Variants in KLHL1 observed in about 807,000 individuals in gnomAD.
The protein encoded by KLHL1 is kelch-like protein 1.
A neutral mutation model predicts 77.7 loss-of-function variants in KLHL1; 47 were observed. That is an observed-to-expected ratio of 0.60 (90% CI 0.48 to 0.77). The LOEUF is 0.77. Ranked by LOEUF, KLHL1 falls within the 30% of genes least tolerant of loss-of-function variation. The probability of loss-of-function intolerance (pLI) is 0.00; values close to 1 mark genes in which losing one functional copy is unlikely to be tolerated. For missense variants in KLHL1, 925 were observed against 910.8 expected (o/e 1.02, Z -0.20); for synonymous variants, 360 against 325.2 (o/e 1.11, Z -1.15).
intron 1 of KLHL1, among the ~76,000 whole-genome samples, chr13:70,093,722 G>A (rs1593738443): frequency 6.6e-6 from 1 of 151,990 alleles, no homozygotes; most frequent in South Asian, 2.1e-4. Flanking sequence ...GTTTTCTCAT[G>A]GTATTTTGAA....
At chr13:69,923,058 CCT>C (rs1882694898) in intron 4 of KLHL1, among the ~76,000 whole-genome samples, 1 of 151,702 alleles carries the variant, frequency 6.6e-6, no homozygotes, top group Non-Finnish European at 1.5e-5. Flanking sequence ...CAAATGCAAC[CCT>C]CTCTGTTCTT....
At chr13:70,070,597 T>C (rs2137417228) in intron 1 of KLHL1, among the ~76,000 whole-genome samples, 1 of 152,144 alleles carries the variant, frequency 6.6e-6, no homozygotes, top group Middle Eastern at 3.4e-3. Flanking sequence ...GTCTACCTCA[T>C]AAGAATGTTA....
chr13:70,009,665 C>A (rs1325307953), intron 1 of KLHL1, among the ~76,000 whole-genome samples: 1 of 152,088 alleles, frequency 6.6e-6, no homozygotes, highest in Non-Finnish European at 1.5e-5. Flanking sequence ...GTCAAGACAA[C>A]CTGTCTCCAT....
In KLHL1 at chr13:69,775,281, CAT is replaced by C. The variant is rs750440284; in HGVS notation, c.1639+21455_1639+21456del. Among the ~76,000 whole-genome samples, 4 of 151,528 alleles carry C rather than the reference CAT, an allele frequency of 2.6e-5. No individual in the cohort carries two copies. In the East Asian group the frequency reaches 5.8e-4, roughly 22 times the overall value. On this transcript the variant is annotated intron_variant, in intron 7 of 10. Transcript: ENST00000377844. ...CAAGGTTACACTGTTGGTCAATTGT[CAT>C]AAAAAAAAGAGGTACTAGTGACTCA...
chr13:70,055,494 A>T (rs541825763), intron 1 of KLHL1, among the ~76,000 whole-genome samples: 4 of 152,268 alleles, frequency 2.6e-5, no homozygotes, highest in Admixed American at 2.0e-4. Context: ...GTCAATGGTA[A>T]CAGTAAATAC....
intron 3 of KLHL1, among the ~76,000 whole-genome samples, chr13:69,959,061 A>G (rs1482607996): frequency 1.3e-5 from 2 of 152,176 alleles, no homozygotes; most frequent in East Asian, 3.9e-4. Context: ...CATTTCTGTA[A>G]ACTCACAACT....
At chr13:69,926,114 A>C (rs577655433) in intron 4 of KLHL1, among the ~76,000 whole-genome samples, 1 of 152,202 alleles carries the variant, frequency 6.6e-6, no homozygotes, top group Non-Finnish European at 1.5e-5. Flanking sequence ...CTAGTTTTTT[A>C]TTATTAAAGT....
intron 1 of KLHL1, among the ~76,000 whole-genome samples, chr13:70,043,269 G>A (rs1387483219): frequency 1.3e-5 from 2 of 151,892 alleles, no homozygotes; most frequent in African/African-American, 4.8e-5. Flanking sequence ...AATGAGAAAA[G>A]TTATATAATA....
chr13:69,902,058 C>T (rs1881886585), intron 4 of KLHL1, among the ~76,000 whole-genome samples: 1 of 152,124 alleles, frequency 6.6e-6, no homozygotes, highest in Non-Finnish European at 1.5e-5. Flanking sequence ...CCTCAGCCTC[C>T]CAGAGTGCTG....
At chr13:69,874,637 T>C (rs567192449) in intron 5 of KLHL1, among the ~76,000 whole-genome samples, 2 of 152,268 alleles carry the variant, frequency 1.3e-5, no homozygotes, top group African/African-American at 4.8e-5. Context: ...TGGAATTTCC[T>C]TTAATGTTTA....
At chr13:70,089,731 C>T (rs1162268716) in intron 1 of KLHL1, among the ~76,000 whole-genome samples, 1 of 151,996 alleles carries the variant, frequency 6.6e-6, no homozygotes, top group African/African-American at 2.4e-5. Flanking sequence ...GCTTTAAAAA[C>T]AATATTAGGT....
At position 69,900,036 on chromosome 13, in the gene KLHL1, T is replaced by C. The variant is rs1385670735; in HGVS notation, c.1015-17541A>G. On this transcript the variant is annotated intron_variant, in intron 4 of 10. Transcript: ENST00000377844. Reference sequence around the variant, plus strand: ...TAATTCTTAATATGGCACACCTCTTTAGGAGAGATAAGCCAGCTGTTGGAA... The same window carrying C: ...TAATTCTTAATATGGCACACCTCTTCAGGAGAGATAAGCCAGCTGTTGGAA... 2.6e-5 allele frequency among the ~76,000 whole-genome samples: 4 copies of C among 152,186 alleles called. No individual in the cohort carries two copies. The South Asian group carries it at 6.2e-4, about 24-fold the overall frequency.
intron 1 of KLHL1, among the ~76,000 whole-genome samples, chr13:70,105,305 T>C (rs957550487): frequency 6.6e-6 from 1 of 151,916 alleles, no homozygotes; most frequent in Non-Finnish European, 1.5e-5. Context: ...TGTTATTAGT[T>C]TTAATTTATT....
intron 7 of KLHL1, among the ~76,000 whole-genome samples, chr13:69,744,987 G>T (rs1874145024): frequency 6.6e-6 from 1 of 151,664 alleles, no homozygotes; most frequent in Non-Finnish European, 1.5e-5. Flanking sequence ...AAATTTCTGG[G>T]TCATAGAATA....
Position 70,107,870 on chromosome 13 carries a change from A to AG in KLHL1, c.-172dup, listed in dbSNP as rs1888114398. The AG allele has an allele frequency of 1.8e-6, 1 of 566,488 alleles. No homozygotes were observed. Among genetic ancestry groups the AG allele is most frequent in the Admixed American group, 3.7e-5 (1 of 27,336 alleles). 35.1% of individuals were successfully genotyped at this position (566,488 alleles called of 1,614,324 possible). A position where few individuals can be genotyped will look rare whatever the true frequency, so the allele number is the denominator to read the frequency against. ...GCGCGCTCTGCCAGGCGAAGGCTGG[A>AG]GCGCAGACGGCAAAGCCGCGCGTTT... On this transcript the variant is annotated 5_prime_UTR_variant, in exon 1 of 11. Coordinates refer to ENST00000377844, the MANE Select transcript of KLHL1 (RefSeq NM_020866.3).
At chr13:70,082,331 A>T (rs1345194921) in intron 1 of KLHL1, among the ~76,000 whole-genome samples, 1 of 143,024 alleles carries the variant, frequency 7.0e-6, no homozygotes, top group South Asian at 2.2e-4. Flanking sequence ...ACACACACAC[A>T]CACACACACA....
At chr13:70,101,431 A>G (rs1235822605) in intron 1 of KLHL1, among the ~76,000 whole-genome samples, 1 of 151,796 alleles carries the variant, frequency 6.6e-6, no homozygotes, top group African/African-American at 2.4e-5. Context: ...CCGTATATAT[A>G]TATAATTTTT....
At chr13:70,016,420 C>T (rs529202297) in intron 1 of KLHL1, among the ~76,000 whole-genome samples, 4 of 152,364 alleles carry the variant, frequency 2.6e-5, no homozygotes, top group Admixed American at 2.0e-4. Flanking sequence ...CAGGAAGACC[C>T]CCTGTCCCCG....
intron 3 of KLHL1, among the ~76,000 whole-genome samples, chr13:69,944,465 T>A (rs981491206): frequency 5.3e-5 from 8 of 152,220 alleles, no homozygotes; most frequent in Non-Finnish European, 1.0e-4. Context: ...CATAGCCATT[T>A]GTAAAACTAC....
Sources: gnomAD v4.1 joint callset for allele counts (sites outside exome capture counted in the v4.1 genomes callset) on GRCh38, gnomAD v4.1.1 for gene constraint, MANE v1.5 for transcripts, NCBI Gene and HGNC (gene_info 2026-07-23, HGNC 2026-07-21) for gene names.